SYK: variants seen among roughly 807,000 people sequenced by gnomAD.
The protein encoded by SYK is spleen associated tyrosine kinase.
In SYK, 16 loss-of-function variants were observed where a neutral mutation model predicts 77.8. That is an observed-to-expected ratio of 0.21 (90% confidence interval 0.14 to 0.31). The LOEUF (loss-of-function observed/expected upper bound fraction) is 0.31, where lower values mean the gene tolerates loss of function less well. SYK is among the 10% of genes least tolerant of loss of function. The pLI, the probability that SYK is intolerant of heterozygous loss-of-function variation, is 1.00. For missense variants in SYK, 529 were observed against 814.4 expected, an observed-to-expected ratio of 0.65 and a Z score of 4.26; for synonymous variants, 312 against 308.7, an observed-to-expected ratio of 1.01 and a Z score of -0.11.
At chr9:90,872,400 A>C (rs1470874338) in intron 7 of SYK, among the ~76,000 whole-genome samples, 2 of 152,254 alleles carry the variant, frequency 1.3e-5, no homozygotes, top group Non-Finnish European at 2.9e-5. Flanking sequence ...GGGAAAATCA[A>C]AGGAGTTGAA....
chr9:90,820,287 G>A (rs1246984569), intron 1 of SYK, among the ~76,000 whole-genome samples: 3 of 152,224 alleles, frequency 2.0e-5, no homozygotes, highest in African/African-American at 7.2e-5. Context: ...ACTAGGCAGT[G>A]CCCCAGTAGG....
intron 3 of SYK, among the ~76,000 whole-genome samples, chr9:90,848,311 A>G (rs1051111925): frequency 6.6e-6 from 1 of 152,230 alleles, no homozygotes; most frequent in African/African-American, 2.4e-5. Flanking sequence ...CTTGTAAACC[A>G]TCACCAGATC....
intron 1 of SYK, chr9:90,802,160 C>G (rs568812909): frequency 1.3e-5 from 2 of 152,238 alleles, no homozygotes; most frequent in African/African-American, 4.8e-5. Flanking sequence ...GAAAGTGACC[C>G]GGGCACCCCA....
chr9:90,838,523 G>C (rs996171096), intron 1 of SYK, among the ~76,000 whole-genome samples: 4 of 152,142 alleles, frequency 2.6e-5, no homozygotes, highest in Non-Finnish European at 2.9e-5. Context: ...AAAGAGCAAG[G>C]GATTTGCAGT....
At chr9:90,839,826 C>G (rs1217013064) in intron 1 of SYK, among the ~76,000 whole-genome samples, 1 of 152,084 alleles carries the variant, frequency 6.6e-6, no homozygotes, top group Non-Finnish European at 1.5e-5. Context: ...GTAAGGATGA[C>G]TGAGATGGCT....
At chr9:90,866,851 C>T (rs892572654) in intron 6 of SYK, among the ~76,000 whole-genome samples, 4 of 152,194 alleles carry the variant, frequency 2.6e-5, no homozygotes, top group Non-Finnish European at 5.9e-5. Context: ...CTTAATAATT[C>T]CACGTGAAGC....
intron 3 of SYK, among the ~76,000 whole-genome samples, chr9:90,850,377 A>G (rs1327002824): frequency 2.0e-5 from 3 of 152,146 alleles, no homozygotes; most frequent in African/African-American, 7.2e-5. Context: ...TTAGCTGAGT[A>G]TAGTGGTGTG....
In SYK at chr9:90,895,414, G is replaced by C; in HGVS notation, c.1836-114G>C. The C allele has an allele frequency of 1.8e-6, 2 of 1,099,502 alleles. No individual in the cohort carries two copies. Among genetic ancestry groups the C allele is most frequent in the Admixed American group, 1.8e-5 (1 of 56,554 alleles). The allele number at this position is 1,099,502 out of a possible 1,614,324, so 68.1% of individuals were successfully genotyped here. A position where few individuals can be genotyped will look rare whatever the true frequency, so the allele number is the denominator to read the frequency against. ...ACCACGCTGTGAGCTGCAGGCCCTA[G>C]AGTTAGCCACCAGGGAGCAGCACCA... On this transcript the variant is annotated intron_variant, in intron 13 of 13. Transcript: ENST00000375754. The surrounding 1 kb of genome is among the most constrained non-coding windows in gnomAD (Gnocchi z 4.4).
intron 1 of SYK, among the ~76,000 whole-genome samples, chr9:90,816,527 T>A (rs985179915): frequency 6.6e-6 from 1 of 152,200 alleles, no homozygotes; most frequent in African/African-American, 2.4e-5. Context: ...TACTTAAAAA[T>A]TTTTTGGACA....
At chr9:90,864,517 G>A in intron 4 of SYK, 72 bp from the exon 5 acceptor site, 1 of 1,340,406 alleles carries the variant, frequency 7.5e-7, no homozygotes, top group East Asian at 2.3e-5. Context: ...CAGTCAGTCA[G>A]TAGCTCTCAG....
At chr9:90,854,395 C>A (rs759424595) in intron 3 of SYK, among the ~76,000 whole-genome samples, 1 of 152,020 alleles carries the variant, frequency 6.6e-6, no homozygotes, top group Non-Finnish European at 1.5e-5. Context: ...TGAGCCTCAG[C>A]GATCTGAGAG....
chr9:90,804,484 C>T (rs1824737999), intron 1 of SYK, among the ~76,000 whole-genome samples: 1 of 152,192 alleles, frequency 6.6e-6, no homozygotes, highest in South Asian at 2.1e-4. Flanking sequence ...TCAACTTTCC[C>T]TGTATAGATT....
intron 1 of SYK, among the ~76,000 whole-genome samples, chr9:90,814,272 T>C (rs1463526921): frequency 6.6e-6 from 1 of 152,224 alleles, no homozygotes; most frequent in Non-Finnish European, 1.5e-5. Context: ...GGTGTGTTTA[T>C]AAGATGCAGC....
At chr9:90,843,280 G>A (rs1028035175) in intron 1 of SYK, among the ~76,000 whole-genome samples, 3 of 152,184 alleles carry the variant, frequency 2.0e-5, no homozygotes, top group South Asian at 4.1e-4. Flanking sequence ...TCACAGTTCC[G>A]TGTGGGCCCT....
intron 6 of SYK, 104 bp downstream of exon 6, chr9:90,865,201 G>A (rs1254960733): frequency 3.3e-6 from 4 of 1,214,696 alleles, no homozygotes; most frequent in Non-Finnish European, 4.9e-6. Flanking sequence ...TATTTTGATT[G>A]CGCTTCAAAA....
intron 7 of SYK, among the ~76,000 whole-genome samples, chr9:90,871,660 G>C (rs1390998790): frequency 1.3e-5 from 2 of 152,138 alleles, no homozygotes; most frequent in Non-Finnish European, 2.9e-5. Flanking sequence ...TCTTTTAACT[G>C]ACTCAATAGG....
In SYK at chr9:90,888,613, G is replaced by A. The variant is rs771556161; in HGVS notation, c.1821G>A (p.Leu607=). 1 of 1,604,508 alleles carries A rather than the reference G, an allele frequency of 6.2e-7. No homozygotes were observed. Among genetic ancestry groups the A allele is most frequent in the East Asian group, 2.2e-5 (1 of 44,648 alleles). Residue 607 remains leucine (L), a synonymous_variant, in exon 13 of 14, where the codon CTG becomes CTA. Transcript: ENST00000375754. The part of the protein sequence containing the change: ...CPREMYDLMN[L]CWTYDVENRP... ...GAGAGATGTACGATCTCATGAATCTGTGCTGGACATACGAGTGAGTACCTG... is the reference window on the plus strand; with the variant it reads ...GAGAGATGTACGATCTCATGAATCTATGCTGGACATACGAGTGAGTACCTG...
intron 1 of SYK, among the ~76,000 whole-genome samples, chr9:90,815,066 C>G (rs1488162399): frequency 7.3e-5 from 11 of 151,542 alleles, no homozygotes. Flanking sequence ...CTGGAGAAAA[C>G]CTTAGTGCTT....
chr9:90,841,686 GAT>G (rs889676854), intron 1 of SYK, among the ~76,000 whole-genome samples: 4 of 150,844 alleles, frequency 2.7e-5, no homozygotes, highest in African/African-American at 9.8e-5. Context: ...GTTTGTGTGT[GAT>G]ATGTGTGTAG....
Sources: allele counts gnomAD v4.1 joint callset (sites outside exome capture counted in the v4.1 genomes callset), GRCh38; gene constraint gnomAD v4.1.1; non-coding constraint Gnocchi (gnomAD v3.1); transcripts MANE v1.5; gene names NCBI Gene and HGNC (gene_info 2026-07-23, HGNC 2026-07-21).